The following CSMD3 variants were observed in gnomAD, a reference collection of about 807,000 sequenced individuals.
CSMD3 encodes the protein CUB and Sushi multiple domains 3.
In CSMD3, 177 loss-of-function variants were observed where a neutral mutation model predicts 435.2. That is an observed-to-expected ratio of 0.41 (90% confidence interval 0.36 to 0.46). CSMD3 has a LOEUF of 0.46. Ranked by LOEUF, CSMD3 falls within the 20% of genes least tolerant of loss-of-function variation. CSMD3 has a pLI of 0.34. For missense variants in CSMD3, 4,265 were observed against 4,504.6 expected, an observed-to-expected ratio of 0.95 and a Z score of 1.52; for synonymous variants, 1,656 against 1,520.5, an observed-to-expected ratio of 1.09 and a Z score of -2.07.
chr8:112,694,038 A>G (rs1392751420), intron 13 of CSMD3, among the ~76,000 whole-genome samples: 1 of 146,136 alleles, frequency 6.8e-6, no homozygotes, highest in Non-Finnish European at 1.5e-5. Flanking sequence ...AATGATTGTT[A>G]TTTCTTATTG....
intron 13 of CSMD3, among the ~76,000 whole-genome samples, chr8:112,747,060 GGTACTACCCTTA>G (rs577405021): frequency 2.0e-4 from 31 of 151,898 alleles, no homozygotes; most frequent in African/African-American, 7.2e-4. Flanking sequence ...TTCCAAGAAA[GGTACTACCCTTA>G]AAATTTCCAT....
At chr8:113,016,568 C>T (rs534754802) in intron 6 of CSMD3, among the ~76,000 whole-genome samples, 1 of 151,806 alleles carries the variant, frequency 6.6e-6, no homozygotes, top group South Asian at 2.1e-4. Context: ...TCTTTGGAAA[C>T]CTGCAGATTC....
intron 5 of CSMD3, among the ~76,000 whole-genome samples, chr8:113,069,687 C>T (rs1337049935): frequency 1.3e-5 from 2 of 152,104 alleles, no homozygotes; most frequent in African/African-American, 2.4e-5. Context: ...TACTCCTTCC[C>T]TTCCAGGGCA....
At chr8:112,830,950 C>T (rs747742121) in intron 11 of CSMD3, among the ~76,000 whole-genome samples, 25 of 151,786 alleles carry the variant, frequency 1.6e-4, no homozygotes, top group Non-Finnish European at 3.4e-4. Context: ...CCATGCCTGG[C>T]TAATTTTTTT....
intron 2 of CSMD3, among the ~76,000 whole-genome samples, chr8:113,283,982 C>A (rs886522200): frequency 6.6e-6 from 1 of 152,036 alleles, no homozygotes; most frequent in Non-Finnish European, 1.5e-5. Context: ...CAAAGTAAGT[C>A]AGGAATGGAA....
At chr8:113,145,605 C>A (rs1439170897) in intron 4 of CSMD3, among the ~76,000 whole-genome samples, 1 of 151,348 alleles carries the variant, frequency 6.6e-6, no homozygotes, top group Non-Finnish European at 1.5e-5. Flanking sequence ...TGGTAGTCAA[C>A]CAAAGGTATA....
chr8:112,806,347 T>A lies in CSMD3; in HGVS notation c.1860-6073A>T, dbSNP rs375117149. On this transcript the variant is annotated intron_variant, in intron 12 of 70. Transcript: ENST00000297405. The stretch of plus-strand genomic sequence containing the variant: ...TCAAAAGTTGGGAATAGATGACACA[T>A]TAATAACAAATTTCTCAGTTTCCTT... Among the ~76,000 whole-genome samples the A allele has an allele frequency of 2.0e-4, 30 of 152,326 alleles. No homozygotes were observed. In the East Asian group the frequency reaches 5.0e-3, roughly 25 times the overall value.
rs2129945006 is a variant in CSMD3 at position 112,234,464 on chromosome 8, G to T, written c.10641C>A (p.Ser3547Arg). ...MELLLSGVYK[S>R]QEARLMLRIY... ...TGCGTAACATTAGGCGAGCTTCCTG[G>T]CTTTTATATACCCCTGTAAAATGCA... Residue 3547 changes from serine to arginine, a missense_variant, in exon 68 of 71, where the codon AGC (serine) becomes AGA (arginine). This residue lies in a region of CSMD3 where 3,255 missense variants were observed against 3,380.2 expected (regional missense o/e 0.96). Coordinates refer to ENST00000297405, the MANE Select transcript of CSMD3 (RefSeq NM_198123.2). 1 of 1,601,540 alleles carries T rather than the reference G, an allele frequency of 6.2e-7. No individual in the cohort carries two copies. Among genetic ancestry groups the T allele is most frequent in the Non-Finnish European group, 8.6e-7 (1 of 1,169,142 alleles).
intron 41 of CSMD3, among the ~76,000 whole-genome samples, chr8:112,345,484 T>A (rs901673759): frequency 1.3e-5 from 2 of 151,934 alleles, no homozygotes; most frequent in African/African-American, 2.4e-5. Flanking sequence ...TGCAATTAAG[T>A]CAGGCACAGA....
intron 3 of CSMD3, among the ~76,000 whole-genome samples, chr8:113,228,735 G>A (rs559928476): frequency 6.6e-6 from 1 of 151,344 alleles, no homozygotes; most frequent in African/African-American, 2.4e-5. Flanking sequence ...AAATATGAAA[G>A]GAACCCCTGC....
rs1198616891 is a variant in CSMD3, at chr8:112,756,719, A to G, written c.1972+43443T>C. Among the ~76,000 whole-genome samples the G allele has an allele frequency of 3.3e-5, 5 of 152,110 alleles. No individual in the cohort carries two copies. The East Asian group carries it at 5.8e-4, about 18-fold the overall frequency. On this transcript the variant is annotated intron_variant, in intron 13 of 70. Coordinates refer to ENST00000297405, the MANE Select transcript of CSMD3 (RefSeq NM_198123.2). Reference sequence around the variant, plus strand: ...GCGGTTTGTTATGGATTGAGGAAAGAGTTCCTTGAAATCGTTTTTTCTCCC... The same window carrying G: ...GCGGTTTGTTATGGATTGAGGAAAGGGTTCCTTGAAATCGTTTTTTCTCCC...
At chr8:113,387,948 C>G (rs1425362781) in intron 1 of CSMD3, among the ~76,000 whole-genome samples, 1 of 151,546 alleles carries the variant, frequency 6.6e-6, no homozygotes, top group African/African-American at 2.4e-5. Context: ...GGAAACTGGA[C>G]AGAAGAACAG....
intron 9 of CSMD3, among the ~76,000 whole-genome samples, chr8:112,928,428 A>C (rs1291440821): frequency 6.6e-6 from 1 of 152,156 alleles, no homozygotes; most frequent in Non-Finnish European, 1.5e-5. Flanking sequence ...CAGAATCCTC[A>C]AAAATCCTTG....
intron 55 of CSMD3, 58 bp downstream of exon 55, chr8:112,292,479 G>A (rs1245649395): frequency 1.9e-5 from 30 of 1,548,216 alleles, no homozygotes; most frequent in Non-Finnish European, 2.6e-5. Context: ...GTGTGTCACT[G>A]ATGTTTATGT....
At chr8:112,541,756 CA>C (rs1826685469) in intron 27 of CSMD3, among the ~76,000 whole-genome samples, 1 of 151,686 alleles carries the variant, frequency 6.6e-6, no homozygotes, top group Non-Finnish European at 1.5e-5. Context: ...AAACCAAAAA[CA>C]AACAAAAAAA....
At chr8:112,829,317 G>T (rs1466042205) in intron 12 of CSMD3, among the ~76,000 whole-genome samples, 2 of 152,174 alleles carry the variant, frequency 1.3e-5, no homozygotes, top group African/African-American at 4.8e-5. Flanking sequence ...TGATGCATTT[G>T]TGATGCAAAA....
intron 3 of CSMD3, among the ~76,000 whole-genome samples, chr8:113,266,576 T>C (rs535680613): frequency 1.4e-4 from 21 of 151,726 alleles, no homozygotes; most frequent in African/African-American, 4.3e-4. Context: ...CTATTTCTCA[T>C]GTAATTTTGT....
At chr8:112,588,488 T>C (rs1830915899) in intron 22 of CSMD3, among the ~76,000 whole-genome samples, 1 of 151,916 alleles carries the variant, frequency 6.6e-6, no homozygotes. Flanking sequence ...AAAGTTCCAA[T>C]ATTGATTTAA....
At chr8:112,437,130 G>A (rs377684936) in intron 32 of CSMD3, among the ~76,000 whole-genome samples, 1 of 152,000 alleles carries the variant, frequency 6.6e-6, no homozygotes, top group Non-Finnish European at 1.5e-5. Flanking sequence ...GATATGAAGA[G>A]ATATATCAAC....
Sources: gnomAD v4.1 joint callset for allele counts (sites outside exome capture counted in the v4.1 genomes callset) on GRCh38, gnomAD v4.1.1 for gene constraint, gnomAD v4.1.1 regional missense constraint, MANE v1.5 for transcripts, NCBI Gene and HGNC (gene_info 2026-07-23, HGNC 2026-07-21) for gene names.